The following CYP4F12 variants were observed in gnomAD, a reference collection of about 807,000 sequenced individuals.
The protein encoded by CYP4F12 is cytochrome P450 4F12.
Under a neutral mutation model 56.5 loss-of-function variants are expected in CYP4F12, and 60 were observed. The ratio of observed to expected loss-of-function variants is 1.06; its 90% CI spans 0.86 to 1.32. CYP4F12 has a LOEUF of 1.32. Ranked by LOEUF, CYP4F12 falls within the 40% of genes most tolerant of loss-of-function variation. The pLI is 0.00. For synonymous variants in CYP4F12, 263 were observed against 264.9 expected, an observed-to-expected ratio of 0.99 and a Z score of 0.07; for missense variants, 711 against 683.5, an observed-to-expected ratio of 1.04 and a Z score of -0.45.
At chr19:15,695,531 C>T (rs1223551460) in intron 9 of CYP4F12, among the ~76,000 whole-genome samples, 3 of 151,574 alleles carry the variant, frequency 2.0e-5, no homozygotes, top group Non-Finnish European at 2.9e-5. Flanking sequence ...TTGCATGACT[C>T]TCCTTTTTTC....
chr19:15,683,018 T>C (rs779566215), intron 6 of CYP4F12, among the ~76,000 whole-genome samples: 1 of 152,024 alleles, frequency 6.6e-6, no homozygotes, highest in Non-Finnish European at 1.5e-5. Context: ...ATTACAGGCA[T>C]GAGCCACTGT....
intron 9 of CYP4F12, among the ~76,000 whole-genome samples, chr19:15,695,530 TCTC>T (rs2008087092): frequency 6.6e-6 from 1 of 151,764 alleles, no homozygotes; most frequent in African/African-American, 2.4e-5. Context: ...ATTGCATGAC[TCTC>T]CTTTTTTCCC....
rs138295707 is a variant in CYP4F12 at position 15,688,535 on chromosome 19, A to T, written c.1115+3338A>T. On this transcript the variant is annotated intron_variant, in intron 9 of 12. Coordinates refer to ENST00000550308, the MANE Select transcript of CYP4F12 (RefSeq NM_023944.4). The stretch of plus-strand genomic sequence containing the variant: ...AATATTGTGAAAATGATCATAGTGC[A>T]AAGCAATCTACAGATTTAACGCAAT... Among the ~76,000 whole-genome samples the T allele has an allele frequency of 9.1e-3, 1,391 of 152,316 alleles. 7 individuals are homozygous for T. Among genetic ancestry groups the T allele is most frequent in the Non-Finnish European group, 0.014 (939 of 68,028 alleles).
chr19:15,695,283 CAT>C (rs1314892623), intron 9 of CYP4F12, among the ~76,000 whole-genome samples: 1 of 140,440 alleles, frequency 7.1e-6, no homozygotes, highest in Non-Finnish European at 1.5e-5. Flanking sequence ...TGTTCTCACT[CAT>C]AGGTGGGAAT....
chr19:15,696,469 G>A lies in CYP4F12; in HGVS notation c.1354G>A (p.Gly452Arg). 1.9e-6 allele frequency: 3 copies of A among 1,614,138 alleles called. No homozygotes were observed. Among genetic ancestry groups the A allele is most frequent in the Non-Finnish European group, 2.5e-6 (3 of 1,180,032 alleles). ...PFRFDPENSK[G>R]RSPLAFIPFS... ...CCGCTTTGACCCAGAGAACAGCAAG[G>A]GGAGGTCACCTCTGGCTTTTATTCC... The change falls in exon 12 of 13, where the codon GGG becomes AGG. Residue 452 changes from glycine (G) to arginine (R), a missense_variant. Physicochemically the swap from Gly to Arg is moderately radical, Grantham distance 125 (BLOSUM62 -2). Transcript: ENST00000550308.
chr19:15,694,316 C>T (rs2008021049), intron 9 of CYP4F12, among the ~76,000 whole-genome samples: 1 of 152,128 alleles, frequency 6.6e-6, no homozygotes, highest in African/African-American at 2.4e-5. Context: ...TCTTCCTACC[C>T]ATGAGCATGG....
At chr19:15,690,485 T>G (rs1412736128) in intron 9 of CYP4F12, among the ~76,000 whole-genome samples, 1 of 152,156 alleles carries the variant, frequency 6.6e-6, no homozygotes, top group Non-Finnish European at 1.5e-5. Context: ...TCTTTCTTCC[T>G]CCCTTCTCTG....
chr19:15,691,388 A>G (rs2007860859), intron 9 of CYP4F12, among the ~76,000 whole-genome samples: 1 of 152,236 alleles, frequency 6.6e-6, no homozygotes, highest in South Asian at 2.1e-4. Context: ...ACCAAAGACC[A>G]TTTGCATTCT....
In CYP4F12 at chr19:15,678,322, G is replaced by A. The variant is rs2007095002; in HGVS notation, c.260G>A (p.Gly87Asp). 2 of 1,614,190 alleles carry A rather than the reference G, an allele frequency of 1.2e-6. No homozygotes were observed. Among genetic ancestry groups the A allele is most frequent in the Non-Finnish European group, 1.7e-6 (2 of 1,180,042 alleles). The change falls in exon 3 of 13, where the codon GGC (glycine) becomes GAC (aspartate). Residue 87 changes from glycine (G) to aspartate (D), a missense_variant. Physicochemically the swap from Gly to Asp is moderately conservative, Grantham distance 94. Coordinates refer to ENST00000550308, the MANE Select transcript of CYP4F12 (RefSeq NM_023944.4). ...CAGATGTCGGCCACCTATTCCCAGG[G>A]CTTTACGGTATGGCTGGGTCCCATC... Reference protein sequence around the residue: ...STQMSATYSQGFTVWLGPIIP... With the variant: ...STQMSATYSQDFTVWLGPIIP...
At chr19:15,684,111 C>A in intron 7 of CYP4F12, 1 of 168,880 alleles carries the variant, frequency 5.9e-6, no homozygotes, top group Non-Finnish European at 1.3e-5. Flanking sequence ...TTATTTACAG[C>A]AGTAACAGCA....
Position 15,685,217 on chromosome 19 carries a change from G to A in CYP4F12, c.1115+20G>A. 2 of 1,611,800 alleles carry A rather than the reference G, an allele frequency of 1.2e-6. No homozygotes were observed. Among genetic ancestry groups the A allele is most frequent in the Middle Eastern group, 1.7e-4 (1 of 6,046 alleles). The stretch of plus-strand genomic sequence containing the variant: ...TGAATGGTGAGTGCAAGTTCTTCTG[G>A]CCTGTTCCTGAGCCCATCATTGGTT... On this transcript the variant is annotated intron_variant, in intron 9 of 12. Transcript: ENST00000550308.
intron 11 of CYP4F12, 38 bp downstream of exon 11, chr19:15,696,263 T>A: frequency 1.2e-6 from 2 of 1,613,222 alleles, no homozygotes; most frequent in Non-Finnish European, 1.7e-6. Flanking sequence ...ACCCCCATCC[T>A]CTACTTTTGT....
chr19:15,695,370 G>A (rs1365264915), intron 9 of CYP4F12, among the ~76,000 whole-genome samples: 9 of 130,524 alleles, frequency 6.9e-5, no homozygotes, highest in Non-Finnish European at 1.5e-4. Context: ...GGGGGAGGGG[G>A]AAGGGATAGC....
chr19:15,688,546 C>T (rs1345204957), intron 9 of CYP4F12, among the ~76,000 whole-genome samples: 1 of 152,092 alleles, frequency 6.6e-6, no homozygotes, highest in African/African-American at 2.4e-5. Flanking sequence ...AAGCAATCTA[C>T]AGATTTAACG....
intron 3 of CYP4F12, among the ~76,000 whole-genome samples, chr19:15,678,732 G>C (rs1438633034): frequency 6.6e-6 from 1 of 152,210 alleles, no homozygotes; most frequent in Non-Finnish European, 1.5e-5. Context: ...GCTGGGGCAG[G>C]CTGGAATGTT....
intron 9 of CYP4F12, 107 bp from the exon 10 acceptor site, chr19:15,695,829 G>A (rs2008104184): frequency 2.1e-6 from 3 of 1,447,102 alleles, no homozygotes; most frequent in African/African-American, 2.9e-5. Flanking sequence ...TGATCCCCGT[G>A]GAGTTTATTT....
intron 12 of CYP4F12, 43 bp downstream of exon 12, chr19:15,696,555 GCGGGAGTT>G (rs1429236419): frequency 6.3e-7 from 1 of 1,580,492 alleles, no homozygotes; most frequent in South Asian, 1.2e-5. Flanking sequence ...GATGATGGGT[GCGGGAGTT>G]AAAAAAAGGG....
chr19:15,693,052 T>C (rs987230597), intron 9 of CYP4F12, among the ~76,000 whole-genome samples: 4 of 152,290 alleles, frequency 2.6e-5, no homozygotes, highest in Middle Eastern at 3.4e-3. Flanking sequence ...CACTCCAGCC[T>C]GAGCAACAGA....
intron 9 of CYP4F12, among the ~76,000 whole-genome samples, chr19:15,690,964 T>C (rs897122559): frequency 6.6e-6 from 1 of 152,260 alleles, no homozygotes; most frequent in African/African-American, 2.4e-5. Flanking sequence ...TTTACATATA[T>C]GGACATTTGG....
Sources: gnomAD v4.1 joint callset for allele counts (sites outside exome capture counted in the v4.1 genomes callset) on GRCh38, gnomAD v4.1.1 for gene constraint, MANE v1.5 for transcripts, NCBI Gene and HGNC (gene_info 2026-07-23, HGNC 2026-07-21) for gene names.